AFG1L: variants seen among roughly 807,000 people sequenced by gnomAD.
AFG1L encodes AFG1-like ATPase.
Under a neutral mutation model 62.2 loss-of-function variants are expected in AFG1L, and 53 were observed. The observed-to-expected ratio is 0.85, with a 90% confidence interval of 0.68 to 1.07. The LOEUF is 1.07. AFG1L is among the 50% of genes least tolerant of loss of function. The pLI is 0.00. For synonymous variants in AFG1L, 228 were observed against 210.3 expected, an observed-to-expected ratio of 1.08 and a Z score of -0.73; for missense variants, 555 against 590.5, an observed-to-expected ratio of 0.94 and a Z score of 0.62.
chr6:108,370,823 C>T (rs866700565), intron 6 of AFG1L, among the ~76,000 whole-genome samples: 2 of 152,062 alleles, frequency 1.3e-5, no homozygotes, highest in Non-Finnish European at 2.9e-5. Flanking sequence ...CTCTATTAAT[C>T]GTTTAGCCCC....
chr6:108,357,525 G>A (rs1357145630), intron 5 of AFG1L, among the ~76,000 whole-genome samples: 1 of 152,046 alleles, frequency 6.6e-6, no homozygotes, highest in African/African-American at 2.4e-5. Context: ...CTAAATTTTG[G>A]TCGATGACTG....
At chr6:108,323,549 A>G (rs529680016) in intron 1 of AFG1L, among the ~76,000 whole-genome samples, 1 of 152,116 alleles carries the variant, frequency 6.6e-6, no homozygotes, top group African/African-American at 2.4e-5. Flanking sequence ...TTTAGTAGAG[A>G]TGTGGTTTCA....
intron 10 of AFG1L, among the ~76,000 whole-genome samples, chr6:108,500,171 C>CGTGTGT (rs61654685): frequency 0.21 from 27,663 of 134,868 alleles, 3,080 homozygotes; most frequent in Non-Finnish European, 0.25. Flanking sequence ...ATGGTGCGTG[C>CGTGTGT]GTGTGTGTGT....
At chr6:108,486,171 T>C (rs1773563726) in intron 10 of AFG1L, among the ~76,000 whole-genome samples, 1 of 152,164 alleles carries the variant, frequency 6.6e-6, no homozygotes, top group Non-Finnish European at 1.5e-5. Flanking sequence ...TAAAACACTT[T>C]AAAAGTACTT....
intron 2 of AFG1L, among the ~76,000 whole-genome samples, chr6:108,330,839 A>G (rs1778251938): frequency 6.6e-6 from 1 of 152,104 alleles, no homozygotes. Flanking sequence ...GCTAATTACT[A>G]CCTGTTTAAA....
intron 8 of AFG1L, among the ~76,000 whole-genome samples, chr6:108,452,534 C>T (rs1295378170): frequency 6.6e-6 from 1 of 152,164 alleles, no homozygotes; most frequent in African/African-American, 2.4e-5. Context: ...GATGCCGTAA[C>T]CTCAAGAGAA....
chr6:108,358,789 C>T lies in AFG1L; in HGVS notation c.648+1969C>T, dbSNP rs189912866. 1.5e-3 allele frequency among the ~76,000 whole-genome samples: 235 copies of T among 152,366 alleles called. 2 individuals carry two copies. The highest frequency in any genetic ancestry group is 5.0e-3 in the Admixed American group (77 of 15,314). ...CCTCAGGTGATCCACCCGCCTCAGC[C>T]TCCCAAAGTGCTGGGATTACAGGTG... is the stretch of plus-strand genomic sequence containing the variant. On this transcript the variant is annotated intron_variant, in intron 5 of 12. Coordinates refer to ENST00000368977, the MANE Select transcript of AFG1L (RefSeq NM_145315.5).
At chr6:108,310,061 C>T (rs372152501) in intron 1 of AFG1L, among the ~76,000 whole-genome samples, 20 of 152,252 alleles carry the variant, frequency 1.3e-4, no homozygotes, top group South Asian at 4.1e-4. Context: ...ATTCAGAGAT[C>T]GGTCCAGGTG....
intron 1 of AFG1L, among the ~76,000 whole-genome samples, chr6:108,321,910 C>T (rs543035680): frequency 2.6e-5 from 4 of 152,128 alleles, no homozygotes; most frequent in Non-Finnish European, 5.9e-5. Flanking sequence ...GAGAGAGAGT[C>T]TCACTCTGTT....
intron 10 of AFG1L, among the ~76,000 whole-genome samples, chr6:108,482,894 G>T (rs2114829741): frequency 6.6e-6 from 1 of 150,924 alleles, no homozygotes; most frequent in African/African-American, 2.4e-5. Flanking sequence ...TGTTTGTCAG[G>T]TTTTTTTTTG....
At chr6:108,332,099 G>A (rs1333871727) in intron 2 of AFG1L, among the ~76,000 whole-genome samples, 2 of 152,140 alleles carry the variant, frequency 1.3e-5, no homozygotes, top group Non-Finnish European at 2.9e-5. Flanking sequence ...AGCAGCCACA[G>A]GCAATACATA....
intron 2 of AFG1L, among the ~76,000 whole-genome samples, chr6:108,342,690 T>C (rs915220927): frequency 1.9e-4 from 29 of 152,306 alleles, no homozygotes; most frequent in African/African-American, 6.7e-4. Flanking sequence ...CTGAAATTTT[T>C]ATTAGGAGAA....
chr6:108,500,682 T>A (rs1213343044), intron 10 of AFG1L, among the ~76,000 whole-genome samples: 2 of 152,234 alleles, frequency 1.3e-5, no homozygotes, highest in African/African-American at 4.8e-5. Context: ...GTAGTGGGAT[T>A]GCTGGGTTGA....
chr6:108,446,491 C>CTTTTTTT (rs1184074963), intron 7 of AFG1L, among the ~76,000 whole-genome samples: 7 of 122,292 alleles, frequency 5.7e-5, no homozygotes, highest in Non-Finnish European at 6.4e-5. Flanking sequence ...CTCTCTCTCT[C>CTTTTTTT]TTTTTTTTTT....
chr6:108,353,644 C>G (rs1314591597), intron 3 of AFG1L, among the ~76,000 whole-genome samples: 1 of 151,584 alleles, frequency 6.6e-6, no homozygotes, highest in Non-Finnish European at 1.5e-5. Context: ...TTGCTTTACC[C>G]TAATGATTAG....
At chr6:108,490,934 A>T (rs904018589) in intron 10 of AFG1L, among the ~76,000 whole-genome samples, 1 of 152,236 alleles carries the variant, frequency 6.6e-6, no homozygotes, top group South Asian at 2.1e-4. Flanking sequence ...GCTGTTTATT[A>T]TCTGAAGTTC....
chr6:108,463,110 GA>G (rs1198855369), intron 8 of AFG1L, among the ~76,000 whole-genome samples: 1 of 152,004 alleles, frequency 6.6e-6, no homozygotes, highest in Non-Finnish European at 1.5e-5. Flanking sequence ...CCAACATGGT[GA>G]AACCCCATCT....
At position 108,295,944 on chromosome 6, in the gene AFG1L, A is replaced by G. The variant is rs1188336257; in HGVS notation, c.139+726A>G. ...AATGATTGGTACTTGACGTGCAAAT[A>G]TGATTTTTGAGTGAATGAATGAATG... On this transcript the variant is annotated intron_variant, in intron 1 of 12. Coordinates refer to ENST00000368977, the MANE Select transcript of AFG1L (RefSeq NM_145315.5). 2.6e-5 allele frequency: 4 copies of G among 152,360 alleles called. No individual in the cohort carries two copies. The East Asian group carries it at 7.7e-4, about 29-fold the overall frequency. The allele number at this position is 152,360 out of a possible 1,614,324, so 9.4% of individuals were successfully genotyped here. A position where few individuals can be genotyped will look rare whatever the true frequency, so the allele number is the denominator to read the frequency against.
chr6:108,376,336 T>A (rs1018105350), intron 6 of AFG1L, among the ~76,000 whole-genome samples: 8 of 152,162 alleles, frequency 5.3e-5, no homozygotes, highest in Admixed American at 3.3e-4. Context: ...ATTTTAGTTT[T>A]CTTCTGCTAG....
Sources: gnomAD v4.1 joint callset for allele counts (sites outside exome capture counted in the v4.1 genomes callset) on GRCh38, gnomAD v4.1.1 for gene constraint, MANE v1.5 for transcripts, NCBI Gene and HGNC (gene_info 2026-07-23, HGNC 2026-07-21) for gene names.